CADPS2: variants seen among roughly 807,000 people sequenced by gnomAD.
The protein encoded by CADPS2 is calcium dependent secretion activator 2.
Under a neutral mutation model 172.5 loss-of-function variants are expected in CADPS2, and 93 were observed. The ratio of observed to expected loss-of-function variants is 0.54; its 90% CI spans 0.46 to 0.64. The LOEUF (loss-of-function observed/expected upper bound fraction) is 0.64. Ranked by LOEUF, CADPS2 falls within the 30% of genes least tolerant of loss-of-function variation. The pLI is 0.00. For synonymous variants in CADPS2, 546 were observed against 555.2 expected, an observed-to-expected ratio of 0.98 and a Z score of 0.23; for missense variants, 1,420 against 1,565.9, an observed-to-expected ratio of 0.91 and a Z score of 1.57.
At chr7:122,327,073 C>T (rs566072239) in intron 28 of CADPS2, among the ~76,000 whole-genome samples, 15 of 152,062 alleles carry the variant, frequency 9.9e-5, no homozygotes, top group African/African-American at 3.6e-4. Context: ...TCCTAATATT[C>T]AGGACATGTA....
chr7:122,700,386 G>C (rs1411662766), intron 2 of CADPS2, among the ~76,000 whole-genome samples: 1 of 152,108 alleles, frequency 6.6e-6, no homozygotes, highest in African/African-American at 2.4e-5. Context: ...AAAGAATACT[G>C]ATGATATAAA....
chr7:122,799,371 G>A (rs1162269603), intron 1 of CADPS2, among the ~76,000 whole-genome samples: 4 of 152,072 alleles, frequency 2.6e-5, no homozygotes, highest in Admixed American at 2.6e-4. Flanking sequence ...AGGCCAAGGC[G>A]GGTGGATCAC....
At chr7:122,811,256 C>A (rs1194870629) in intron 1 of CADPS2, among the ~76,000 whole-genome samples, 1 of 152,108 alleles carries the variant, frequency 6.6e-6, no homozygotes, top group Admixed American at 6.6e-5. Flanking sequence ...AAAGTAAGGA[C>A]AAATAAATTA....
At chr7:122,816,141 C>G (rs1455710682) in intron 1 of CADPS2, among the ~76,000 whole-genome samples, 1 of 152,000 alleles carries the variant, frequency 6.6e-6, no homozygotes, top group Non-Finnish European at 1.5e-5. Flanking sequence ...TTTTTAACCA[C>G]TAGCCAACTC....
intron 24 of CADPS2, among the ~76,000 whole-genome samples, chr7:122,379,701 T>C (rs1212568734): frequency 6.6e-6 from 1 of 152,168 alleles, no homozygotes; most frequent in East Asian, 1.9e-4. Flanking sequence ...TTCTTATTCT[T>C]ATTCAGGCAG....
At chr7:122,624,500 C>T (rs1445979657) in intron 4 of CADPS2, among the ~76,000 whole-genome samples, 3 of 152,156 alleles carry the variant, frequency 2.0e-5, no homozygotes, top group Non-Finnish European at 2.9e-5. Flanking sequence ...TCCCATGCCC[C>T]ACATTAATTT....
At chr7:122,632,502 A>G (rs2076671560) in intron 3 of CADPS2, among the ~76,000 whole-genome samples, 1 of 152,080 alleles carries the variant, frequency 6.6e-6, no homozygotes. Flanking sequence ...CCACTTGTAC[A>G]TCTTTTGAGA....
intron 3 of CADPS2, among the ~76,000 whole-genome samples, chr7:122,638,637 TC>T (rs2077303340): frequency 6.6e-6 from 1 of 152,160 alleles, no homozygotes; most frequent in South Asian, 2.1e-4. Context: ...TGGGTAGCTC[TC>T]TGTATCAGTC....
chr7:122,446,693 G>A (rs74442528), intron 15 of CADPS2, among the ~76,000 whole-genome samples: 3,831 of 152,224 alleles, frequency 0.025, 146 homozygotes, highest in African/African-American at 0.088. Flanking sequence ...GCAAATAGCT[G>A]TAGCTCTCTC....
intron 9 of CADPS2, among the ~76,000 whole-genome samples, chr7:122,510,686 T>C (rs1478219433): frequency 6.6e-6 from 1 of 152,158 alleles, no homozygotes; most frequent in Admixed American, 6.6e-5. Flanking sequence ...GTCCTCCCTG[T>C]GAAAACGATT....
At chr7:122,813,452 A>G (rs891859090) in intron 1 of CADPS2, among the ~76,000 whole-genome samples, 1 of 152,130 alleles carries the variant, frequency 6.6e-6, no homozygotes, top group Non-Finnish European at 1.5e-5. Flanking sequence ...TACATAACTC[A>G]TCATTTCAAA....
Position 122,787,162 on chromosome 7 carries a change from G to C in CADPS2, c.340-50094C>G, listed in dbSNP as rs144142404. Among the ~76,000 whole-genome samples, 1,115 of 152,272 alleles carry C rather than the reference G, an allele frequency of 7.3e-3. 48 individuals carry two copies. The highest frequency in any genetic ancestry group is 0.067 in the Admixed American group (1,030 of 15,294). On this transcript the variant is annotated intron_variant, in intron 1 of 29. Transcript: ENST00000449022. ...AATGTGCATATCAGCTGAATGATTT[G>C]AGCGTAGATATCTAAACACCCTGCA...
At chr7:122,629,728 TAA>T (rs1158109667) in intron 3 of CADPS2, among the ~76,000 whole-genome samples, 1 of 152,164 alleles carries the variant, frequency 6.6e-6, no homozygotes, top group Non-Finnish European at 1.5e-5. Context: ...GCTTTAATAA[TAA>T]GTTTGTATTA....
At chr7:122,701,202 A>C (rs2086006427) in intron 2 of CADPS2, among the ~76,000 whole-genome samples, 3 of 152,194 alleles carry the variant, frequency 2.0e-5, no homozygotes, top group Admixed American at 2.0e-4. Flanking sequence ...GGATAAGGGC[A>C]AAAAGGGATA....
intron 1 of CADPS2, among the ~76,000 whole-genome samples, chr7:122,784,234 T>C (rs1010723569): frequency 7.9e-5 from 12 of 152,206 alleles, no homozygotes; most frequent in African/African-American, 2.7e-4. Context: ...CTAAGATCTT[T>C]TTAGAATGTT....
At chr7:122,509,814 C>A (rs1000932051) in intron 9 of CADPS2, among the ~76,000 whole-genome samples, 2 of 151,974 alleles carry the variant, frequency 1.3e-5, no homozygotes, top group African/African-American at 4.8e-5. Flanking sequence ...CCTACCTTCA[C>A]GGGCTTATTC....
intron 27 of CADPS2, among the ~76,000 whole-genome samples, chr7:122,356,191 T>C (rs1325481602): frequency 6.6e-6 from 1 of 152,194 alleles, no homozygotes; most frequent in Non-Finnish European, 1.5e-5. Flanking sequence ...TTGGTCTCCT[T>C]GGACTCCTCT....
intron 25 of CADPS2, among the ~76,000 whole-genome samples, chr7:122,362,403 T>A (rs1437406503): frequency 6.6e-6 from 1 of 152,094 alleles, no homozygotes; most frequent in Non-Finnish European, 1.5e-5. Flanking sequence ...GCTTCCTCCA[T>A]CAGTTAAATG....
intron 25 of CADPS2, among the ~76,000 whole-genome samples, chr7:122,375,820 G>C (rs191543464): frequency 1.1e-4 from 16 of 151,620 alleles, no homozygotes; most frequent in Non-Finnish European, 7.4e-5. Context: ...ATAATGAAAA[G>C]GCAACCTACA....
Sources: gnomAD v4.1 joint callset for allele counts (sites outside exome capture counted in the v4.1 genomes callset) on GRCh38, gnomAD v4.1.1 for gene constraint, MANE v1.5 for transcripts, NCBI Gene and HGNC (gene_info 2026-07-23, HGNC 2026-07-21) for gene names.